CHIC2: variants seen among roughly 807,000 people sequenced by gnomAD.
CHIC2 encodes the protein cysteine rich hydrophobic domain 2, also known as cysteine-rich hydrophobic domain-containing protein 2.
CHIC2 carries 14 observed loss-of-function variants against 25.9 expected under a neutral mutation model. That is an observed-to-expected ratio of 0.54 (90% CI 0.36 to 0.85). CHIC2 has a LOEUF of 0.85. Ranked by LOEUF, CHIC2 falls within the 40% of genes least tolerant of loss-of-function variation. The pLI is 0.01. For missense variants in CHIC2, 146 were observed against 202.0 expected (o/e 0.72, Z 1.68); for synonymous variants, 70 against 72.0 (o/e 0.97, Z 0.14).
chr4:54,034,720 C>A lies in CHIC2; in HGVS notation c.330+14235G>T, dbSNP rs191452235. On this transcript the variant is annotated intron_variant, in intron 3 of 5. Transcript: ENST00000263921. Reference sequence around the variant, plus strand: ...TCTGCCCATCAAGACAGTATTATTACTATACTTGTTGCTTTTTCTTGCCTT... The same window carrying A: ...TCTGCCCATCAAGACAGTATTATTAATATACTTGTTGCTTTTTCTTGCCTT... Among the ~76,000 whole-genome samples, 81 of 152,256 alleles carry A rather than the reference C, an allele frequency of 5.3e-4. 1 individual carries two copies. Among genetic ancestry groups the A allele is most frequent in the Middle Eastern group, 3.4e-3 (1 of 294 alleles).
At chr4:54,081,494 T>C in the CHIC2 span, among the ~76,000 whole-genome samples, 2 of 152,170 alleles carry the variant, frequency 1.3e-5, no homozygotes, top group Non-Finnish European at 2.9e-5. Context: ...TCAAATATTC[T>C]ATTCTACTTA....
chr4:54,066,076 C>T (rs1359953227), upstream of CHIC2, among the ~76,000 whole-genome samples: 2 of 152,224 alleles, frequency 1.3e-5, no homozygotes, highest in African/African-American at 4.8e-5. Flanking sequence ...ATTGTCATCT[C>T]TGCCAGGGGC....
rs1378427701 is a variant in CHIC2 at position 54,064,140 on chromosome 4, C to T, written c.119+42G>A. 6.4e-7 allele frequency: 1 copy of T among 1,553,746 alleles called. No homozygotes were observed. Among genetic ancestry groups the T allele is most frequent in the Admixed American group, 1.8e-5 (1 of 54,638 alleles). On this transcript the variant is annotated intron_variant, in intron 1 of 5. Transcript: ENST00000263921. The surrounding 1 kb of genome is among the most constrained non-coding windows in gnomAD (Gnocchi z 4.2). Reference sequence around the variant, plus strand: ...GCTCCCGTGGAGTAACGGGGCCCACCCCAGCCCGCACCTCCCGCCCTCGCC... The same window carrying T: ...GCTCCCGTGGAGTAACGGGGCCCACTCCAGCCCGCACCTCCCGCCCTCGCC...
At chr4:54,089,539 G>A in the CHIC2 span, among the ~76,000 whole-genome samples, 1 of 152,066 alleles carries the variant, frequency 6.6e-6, no homozygotes, top group Non-Finnish European at 1.5e-5. Context: ...TTGTTCCAGG[G>A]AGGTACATGG....
chr4:54,045,209 C>T (rs1473293413), intron 3 of CHIC2, among the ~76,000 whole-genome samples: 4 of 152,190 alleles, frequency 2.6e-5, no homozygotes, highest in African/African-American at 4.8e-5. Context: ...CAGCCGAATT[C>T]TACCAGAGGT....
chr4:54,049,862 G>T (rs1310509734), intron 1 of CHIC2, among the ~76,000 whole-genome samples: 2 of 152,120 alleles, frequency 1.3e-5, no homozygotes, highest in African/African-American at 4.8e-5. Context: ...CTATTTGTCA[G>T]TGCATTAGAT....
chr4:54,033,358 G>A (rs948887402), intron 3 of CHIC2, among the ~76,000 whole-genome samples: 1 of 152,124 alleles, frequency 6.6e-6, no homozygotes, highest in Non-Finnish European at 1.5e-5. Context: ...TTGGTGAGGT[G>A]TCTGTTCTAA....
intron 3 of CHIC2, among the ~76,000 whole-genome samples, chr4:54,033,530 T>A (rs916132331): frequency 3.3e-5 from 5 of 152,216 alleles, no homozygotes; most frequent in Non-Finnish European, 7.4e-5. Flanking sequence ...TTAACTTTTA[T>A]GGAGTCCAAT....
intron 3 of CHIC2, among the ~76,000 whole-genome samples, chr4:54,047,397 C>T (rs1201410719): frequency 1.3e-5 from 2 of 152,052 alleles, no homozygotes; most frequent in Admixed American, 6.6e-5. Context: ...TTGGAACCAA[C>T]CCAAATGTCC....
intron 3 of CHIC2, among the ~76,000 whole-genome samples, chr4:54,047,357 T>A (rs1004424524): frequency 6.6e-6 from 1 of 152,172 alleles, no homozygotes; most frequent in Non-Finnish European, 1.5e-5. Context: ...CACGTATGGT[T>A]ATTGCAGCAC....
chr4:54,068,012 T>C (rs1280520000), upstream of CHIC2, among the ~76,000 whole-genome samples: 2 of 149,530 alleles, frequency 1.3e-5, no homozygotes, highest in Non-Finnish European at 3.0e-5. Context: ...TGAGATGAGG[T>C]CAAGAGGCTG....
At chr4:54,064,684 G>A (rs1717462319), upstream of CHIC2, 1 of 1,021,442 alleles carries the variant, frequency 9.8e-7, no homozygotes, top group South Asian at 4.5e-5. The surrounding 1 kb of genome is among the most constrained non-coding windows in gnomAD (Gnocchi z 4.2). Context: ...CGGGCGGGCG[G>A]GCGCGTGCGT....
At chr4:54,026,095 C>A (rs1469997646) in intron 3 of CHIC2, among the ~76,000 whole-genome samples, 1 of 152,094 alleles carries the variant, frequency 6.6e-6, no homozygotes, top group Non-Finnish European at 1.5e-5. Context: ...AAAACTAAAG[C>A]TTACAGAGGT....
At chr4:54,034,213 T>G (rs1716314846) in intron 3 of CHIC2, among the ~76,000 whole-genome samples, 1 of 152,062 alleles carries the variant, frequency 6.6e-6, no homozygotes, top group South Asian at 2.1e-4. Flanking sequence ...GAGACCAGCC[T>G]GACCAATATC....
chr4:54,031,547 A>G (rs933459320), intron 3 of CHIC2, among the ~76,000 whole-genome samples: 1 of 151,984 alleles, frequency 6.6e-6, no homozygotes, highest in Admixed American at 6.6e-5. Flanking sequence ...TAATAACAGT[A>G]ACTACATTGA....
chr4:54,015,433 TTTTAAATGAAAATAGGGC>T (rs1472053302), intron 3 of CHIC2, among the ~76,000 whole-genome samples: 1 of 152,176 alleles, frequency 6.6e-6, no homozygotes, highest in Non-Finnish European at 1.5e-5. Context: ...GCAGCTCTCC[TTTTAAATGAAAATAGGGC>T]AGCAGTTATG....
At chr4:54,082,457 A>G in the CHIC2 span, among the ~76,000 whole-genome samples, 1 of 152,074 alleles carries the variant, frequency 6.6e-6, no homozygotes, top group East Asian at 1.9e-4. Context: ...TCTACGGTCT[A>G]CATGGAAAAG....
intron 3 of CHIC2, among the ~76,000 whole-genome samples, chr4:54,021,342 C>A (rs993453233): frequency 2.0e-5 from 3 of 152,058 alleles, no homozygotes; most frequent in Non-Finnish European, 4.4e-5. Context: ...TGCGACTCAT[C>A]CCAAATCTTT....
At chr4:54,013,185 A>G (rs1013280874) in intron 5 of CHIC2, among the ~76,000 whole-genome samples, 5 of 152,146 alleles carry the variant, frequency 3.3e-5, no homozygotes, top group Non-Finnish European at 5.9e-5. Context: ...AATTTTCAAA[A>G]GGAGAAAAAC....
Sources: allele counts gnomAD v4.1 joint callset (sites outside exome capture counted in the v4.1 genomes callset), GRCh38; gene constraint gnomAD v4.1.1; non-coding constraint Gnocchi (gnomAD v3.1); transcripts MANE v1.5; gene names NCBI Gene and HGNC (gene_info 2026-07-23, HGNC 2026-07-21).